CHIC2: variants seen among roughly 807,000 people sequenced by gnomAD.
The protein encoded by CHIC2 is cysteine-rich hydrophobic domain-containing protein 2.
Under a neutral mutation model 25.9 loss-of-function variants are expected in CHIC2, and 14 were observed. The ratio of observed to expected loss-of-function variants is 0.54; its 90% confidence interval spans 0.36 to 0.85. The LOEUF (loss-of-function observed/expected upper bound fraction) is 0.85. CHIC2 is among the 40% of genes least tolerant of loss of function. The pLI, the probability that CHIC2 is intolerant of heterozygous loss-of-function variation, is 0.01. For missense variants in CHIC2, 146 were observed against 202.0 expected, an observed-to-expected ratio of 0.72 and a Z score of 1.68; for synonymous variants, 70 against 72.0, an observed-to-expected ratio of 0.97 and a Z score of 0.14.
At chr4:54,019,633 T>G (rs549071680) in intron 3 of CHIC2, among the ~76,000 whole-genome samples, 70 of 152,278 alleles carry the variant, frequency 4.6e-4, no homozygotes, top group African/African-American at 1.6e-3. Flanking sequence ...TACACAAACA[T>G]GCACAATTTA....
At chr4:54,078,469 C>T in the CHIC2 span, among the ~76,000 whole-genome samples, 1 of 152,034 alleles carries the variant, frequency 6.6e-6, no homozygotes, top group Non-Finnish European at 1.5e-5. Flanking sequence ...TTGAGCTGGC[C>T]TTTCATTTTT....
At chr4:54,046,601 C>G (rs540942424) in intron 3 of CHIC2, among the ~76,000 whole-genome samples, 127 of 152,140 alleles carry the variant, frequency 8.3e-4, no homozygotes, top group African/African-American at 2.9e-3. Flanking sequence ...GCCATATGTA[C>G]AAAGCTGAAA....
chr4:54,073,331 C>G, the CHIC2 span, among the ~76,000 whole-genome samples: 3 of 152,210 alleles, frequency 2.0e-5, no homozygotes, highest in Admixed American at 2.0e-4. Flanking sequence ...GCAAGCCATT[C>G]TATAGTTCCC....
intron 3 of CHIC2, among the ~76,000 whole-genome samples, chr4:54,033,219 A>C (rs1178189413): frequency 2.0e-5 from 3 of 152,150 alleles, no homozygotes; most frequent in African/African-American, 7.2e-5. Flanking sequence ...AGACTAACAT[A>C]GTCTTTTTAA....
chr4:54,047,373 A>G (rs1273134961), intron 3 of CHIC2, among the ~76,000 whole-genome samples: 1 of 152,172 alleles, frequency 6.6e-6, no homozygotes, highest in Admixed American at 6.5e-5. Flanking sequence ...AGCACTATTC[A>G]CAATAGCAAA....
intron 1 of CHIC2, among the ~76,000 whole-genome samples, chr4:54,055,615 T>G (rs1444031500): frequency 6.6e-6 from 1 of 152,172 alleles, no homozygotes; most frequent in Non-Finnish European, 1.5e-5. Flanking sequence ...TGACAAGACC[T>G]ATGAGCATAT....
At chr4:54,017,410 G>A (rs150530573) in intron 3 of CHIC2, among the ~76,000 whole-genome samples, 1 of 152,130 alleles carries the variant, frequency 6.6e-6, no homozygotes, top group East Asian at 1.9e-4. Context: ...TTCTTTAAGA[G>A]AATTTAGTGC....
At chr4:54,036,127 C>G (rs2110075034) in intron 3 of CHIC2, among the ~76,000 whole-genome samples, 1 of 152,266 alleles carries the variant, frequency 6.6e-6, no homozygotes. Context: ...TAAGAACTAT[C>G]TCAGTGATCT....
chr4:54,010,136 T>C lies in CHIC2; in HGVS notation c.457A>G (p.Ile153Val), dbSNP rs1715540412. Residue 153 changes from isoleucine to valine, a missense_variant, in exon 6 of 6, where the codon ATA becomes GTA. By Grantham distance (29) the Ile-to-Val change is conservative (BLOSUM62 3). Transcript: ENST00000263921. ...TNNMMEYVIL[I>V]EFLPKTPIFR... is the part of the protein sequence containing the mutation. ...ATCGGTGTCTTTGGTAAAAATTCTATGAGGATGACCTGTAAAAGGAGAAGA... is the reference window on the plus strand; with the variant it reads ...ATCGGTGTCTTTGGTAAAAATTCTACGAGGATGACCTGTAAAAGGAGAAGA... The C allele has an allele frequency of 1.2e-6, 2 of 1,606,806 alleles. No homozygotes were observed. Among genetic ancestry groups the C allele is most frequent in the Non-Finnish European group, 1.7e-6 (2 of 1,173,940 alleles).
chr4:54,010,154 G>A lies in CHIC2; in HGVS notation c.448-9C>T. 1.9e-6 allele frequency: 3 copies of A among 1,596,928 alleles called. No homozygotes were observed. The South Asian group carries it at 3.3e-5, about 18-fold the overall frequency. ...AATTCTATGAGGATGACCTGTAAAA[G>A]GAGAAGAAAAAGGTTTTAAAAGATT... On this transcript the variant is annotated splice_polypyrimidine_tract_variant and intron_variant, in intron 5 of 5. Coordinates refer to ENST00000263921, the MANE Select transcript of CHIC2 (RefSeq NM_012110.4).
chr4:54,049,484 A>T (rs915762281), intron 1 of CHIC2, among the ~76,000 whole-genome samples, 179 bp from the exon 2 acceptor site: 1 of 152,228 alleles, frequency 6.6e-6, no homozygotes, highest in Admixed American at 6.5e-5. Flanking sequence ...TGTAACAATT[A>T]TTTTAGCAGT....
chr4:54,072,135 A>G, the CHIC2 span, among the ~76,000 whole-genome samples: 3 of 152,116 alleles, frequency 2.0e-5, no homozygotes, highest in African/African-American at 7.2e-5. Context: ...TCCACTAAAA[A>G]TACAAAAATT....
At chr4:54,020,048 T>C (rs770495097) in intron 3 of CHIC2, among the ~76,000 whole-genome samples, 1 of 152,168 alleles carries the variant, frequency 6.6e-6, no homozygotes, top group Non-Finnish European at 1.5e-5. Flanking sequence ...TAAAAATATA[T>C]GTAATTACAA....
chr4:54,022,190 C>T (rs1715919232), intron 3 of CHIC2, among the ~76,000 whole-genome samples: 1 of 152,176 alleles, frequency 6.6e-6, no homozygotes, highest in African/African-American at 2.4e-5. Flanking sequence ...GTCCAACTCG[C>T]CCGGCAGCCA....
At chr4:54,016,300 T>C (rs1214219933) in intron 3 of CHIC2, among the ~76,000 whole-genome samples, 2 of 152,118 alleles carry the variant, frequency 1.3e-5, no homozygotes, top group Admixed American at 6.5e-5. Context: ...ATAATAAGAA[T>C]AGATCTCATT....
At chr4:54,018,160 G>T (rs931078633) in intron 3 of CHIC2, among the ~76,000 whole-genome samples, 3 of 152,002 alleles carry the variant, frequency 2.0e-5, no homozygotes, top group Non-Finnish European at 4.4e-5. Context: ...TGGCTAATAT[G>T]GTAATGATTA....
chr4:54,015,404 T>G (rs1715709179), intron 3 of CHIC2, among the ~76,000 whole-genome samples: 1 of 152,178 alleles, frequency 6.6e-6, no homozygotes. Context: ...TGTTTCTTTG[T>G]AAAGATAGCC....
At chr4:54,011,741 A>G (rs1250585686) in intron 5 of CHIC2, among the ~76,000 whole-genome samples, 3 of 151,980 alleles carry the variant, frequency 2.0e-5, no homozygotes, top group African/African-American at 7.2e-5. Context: ...GAAGCCACAC[A>G]TAGAGACTGG....
the CHIC2 span, among the ~76,000 whole-genome samples, chr4:54,084,959 C>CAAAAAAAAAAAAAAAAAAAAAAAAAAA: frequency 1.9e-4 from 11 of 58,924 alleles, no homozygotes; most frequent in African/African-American, 6.4e-4. Context: ...TGCTCTGTCT[C>CAAAAAAAAAAAAAAAAAAAAAAAAAAA]AAAAAAAAAA....
Sources: allele counts gnomAD v4.1 joint callset (sites outside exome capture counted in the v4.1 genomes callset), GRCh38; gene constraint gnomAD v4.1.1; transcripts MANE v1.5; gene names NCBI Gene and HGNC (gene_info 2026-07-23, HGNC 2026-07-21).